Variants in ALDH2 observed in about 807,000 individuals in gnomAD.
ALDH2 encodes the protein aldehyde dehydrogenase 2 family member, also known as aldehyde dehydrogenase, mitochondrial.
Under a neutral mutation model 59.6 loss-of-function variants are expected in ALDH2, and 44 were observed. That is an observed-to-expected ratio of 0.74 (90% CI 0.58 to 0.95). ALDH2 has a LOEUF of 0.95. Among genes scored for constraint, ALDH2 ranks in the 40% least tolerant of loss-of-function variants. The probability of loss-of-function intolerance (pLI) is 0.00; values close to 1 mark genes in which losing one functional copy is unlikely to be tolerated. For missense variants in ALDH2, 570 were observed against 696.3 expected, an observed-to-expected ratio of 0.82 and a Z score of 2.04; for synonymous variants, 291 against 284.0, an observed-to-expected ratio of 1.02 and a Z score of -0.25.
Position 111,798,120 on chromosome 12 carries a change from A to G in ALDH2, c.1126A>G (p.Thr376Ala), listed in dbSNP as rs201023185. The change falls in exon 10 of 13, where the codon ACG becomes GCG. Residue 376 changes from threonine (T) to alanine (A), a missense_variant. By Grantham distance (58) the Thr-to-Ala change is moderately conservative. Coordinates refer to ENST00000261733, the MANE Select transcript of ALDH2 (RefSeq NM_000690.4). ...TAAGAAGATCCTCGGCTACATCAAC[A>G]CGGGGAAGCAAGAGGGGGCGAAGCT... ...QFKKILGYIN[T>A]GKQEGAKLLC... 3.8e-5 allele frequency: 62 copies of G among 1,614,136 alleles called. 2 individuals are homozygous for G. The Admixed American group carries it at 8.3e-4, about 22-fold the overall frequency.
At chr12:111,773,172 C>T (rs530010258) in intron 1 of ALDH2, among the ~76,000 whole-genome samples, 3 of 152,138 alleles carry the variant, frequency 2.0e-5, no homozygotes, top group South Asian at 2.1e-4. Flanking sequence ...AACGCTTGAA[C>T]CCAGGAGGCG....
rs2068540074 is a variant in ALDH2 at position 111,812,083 on chromosome 12, A to T, written c.*2508A>T. 6.6e-6 allele frequency: 1 copy of T among 152,602 alleles called. No homozygotes were observed. The highest frequency in any genetic ancestry group is 2.1e-4 in the South Asian group (1 of 4,874). The allele number at this position is 152,602 out of a possible 1,614,324, so 9.5% of individuals were successfully genotyped here. A position where few individuals can be genotyped will look rare whatever the true frequency, so the allele number is the denominator to read the frequency against. On this transcript the variant is annotated 3_prime_UTR_variant, in exon 13 of 13. Coordinates refer to ENST00000261733, the MANE Select transcript of ALDH2 (RefSeq NM_000690.4). The stretch of plus-strand genomic sequence containing the variant: ...TGCCTGGCAGCCAAGGCAGAGATAG[A>T]CAGGGAGAGAGAGAGACAGCTTACG...
intron 1 of ALDH2, among the ~76,000 whole-genome samples, chr12:111,773,664 C>G (rs1471682420): frequency 1.3e-5 from 2 of 152,146 alleles, no homozygotes; most frequent in Admixed American, 1.3e-4. Flanking sequence ...CACTTTCAAA[C>G]TTATAACTTA....
intron 1 of ALDH2, among the ~76,000 whole-genome samples, chr12:111,770,693 G>A (rs1279896387): frequency 6.6e-6 from 1 of 152,104 alleles, no homozygotes; most frequent in Non-Finnish European, 1.5e-5. Flanking sequence ...TGCCCAGGGT[G>A]GAGTGCAGTG....
intron 12 of ALDH2, among the ~76,000 whole-genome samples, chr12:111,806,712 C>G (rs1023411371): frequency 6.6e-6 from 1 of 152,216 alleles, no homozygotes; most frequent in African/African-American, 2.4e-5. Context: ...TGGCTCATGC[C>G]TGTAATCCCA....
intron 11 of ALDH2, among the ~76,000 whole-genome samples, chr12:111,801,426 C>T (rs886761749): frequency 7.9e-5 from 12 of 152,060 alleles, no homozygotes; most frequent in African/African-American, 2.4e-4. Context: ...TGTCTGGGTG[C>T]GGTGGCTCAT....
At chr12:111,773,743 T>C (rs77855595) in intron 1 of ALDH2, among the ~76,000 whole-genome samples, 1 of 152,172 alleles carries the variant, frequency 6.6e-6, no homozygotes, top group Non-Finnish European at 1.5e-5. Context: ...TAAGGGACAA[T>C]TGAATAGAAT....
chr12:111,804,018 A>G, intron 12 of ALDH2, 45 bp downstream of exon 12: 3 of 1,201,388 alleles, frequency 2.5e-6, no homozygotes, highest in South Asian at 1.3e-5. Context: ...TTGGGGCTTG[A>G]GGGTCTGCTG....
At chr12:111,807,414 G>A (rs370595682) in intron 12 of ALDH2, among the ~76,000 whole-genome samples, 2 of 152,150 alleles carry the variant, frequency 1.3e-5, no homozygotes, top group Admixed American at 6.6e-5. Context: ...TCCACTGCCC[G>A]AGCAGAGTCC....
chr12:111,767,019 G>A lies in ALDH2; in HGVS notation c.37G>A (p.Gly13Ser). 6.6e-7 allele frequency: 1 copy of A among 1,524,472 alleles called. No individual in the cohort carries two copies. Among genetic ancestry groups the A allele is most frequent in the East Asian group, 2.6e-5 (1 of 39,058 alleles). 94.4% of individuals were successfully genotyped at this position (1,524,472 alleles called of 1,614,324 possible). A position where few individuals can be genotyped will look rare whatever the true frequency, so the allele number is the denominator to read the frequency against. Residue 13 changes from glycine to serine, a missense_variant, in exon 1 of 13, where the codon GGC becomes AGC. By Grantham distance (56) the Gly-to-Ser change is moderately conservative. Transcript: ENST00000261733. ...RAAARFGPRL[G>S]RRLLSAAATQ... ...TGCCGCCCGCTTCGGGCCCCGCCTGGGCCGCCGCCTCTTGTCAGCCGCCGC... is the reference window on the plus strand; with the variant it reads ...TGCCGCCCGCTTCGGGCCCCGCCTGAGCCGCCGCCTCTTGTCAGCCGCCGC...
chr12:111,777,287 C>G (rs2068240564), intron 1 of ALDH2, among the ~76,000 whole-genome samples: 1 of 152,290 alleles, frequency 6.6e-6, no homozygotes, highest in East Asian at 1.9e-4. Flanking sequence ...GGGAACAATC[C>G]AAGTACACAG....
intron 1 of ALDH2, 37 bp downstream of exon 1, chr12:111,767,133 G>C (rs1373724139): frequency 7.0e-7 from 1 of 1,430,546 alleles, no homozygotes; most frequent in African/African-American, 1.5e-5. Context: ...TTGTTTTCCG[G>C]CCCGAGTCCC....
At position 111,810,964 on chromosome 12, in the gene ALDH2, T is replaced by C. The variant is rs2068531464; in HGVS notation, c.*1389T>C. 6.6e-6 allele frequency: 1 copy of C among 152,166 alleles called. No individual in the cohort carries two copies. Among genetic ancestry groups the C allele is most frequent in the Non-Finnish European group, 1.5e-5 (1 of 68,034 alleles). The allele number at this position is 152,166 out of a possible 1,614,324, so 9.4% of individuals were successfully genotyped here. Reference sequence around the variant, plus strand: ...TTTGGAAACCAGATGTCAATTTACTTACTTTAAGTGAGATCTGTATCTTCA... The same window carrying C: ...TTTGGAAACCAGATGTCAATTTACTCACTTTAAGTGAGATCTGTATCTTCA... On this transcript the variant is annotated 3_prime_UTR_variant, in exon 13 of 13. Transcript: ENST00000261733.
chr12:111,806,097 A>C (rs1196297567), intron 12 of ALDH2, among the ~76,000 whole-genome samples: 1 of 151,938 alleles, frequency 6.6e-6, no homozygotes, highest in African/African-American at 2.4e-5. Context: ...GCAGACCACG[A>C]GGTCAGGAGA....
intron 10 of ALDH2, among the ~76,000 whole-genome samples, chr12:111,798,936 G>A (rs2068426746): frequency 6.6e-6 from 1 of 151,890 alleles, no homozygotes; most frequent in Non-Finnish European, 1.5e-5. Context: ...TTGAACCTGG[G>A]AGGCAGAGGT....
At chr12:111,788,544 A>C (rs1457980135) in intron 4 of ALDH2, among the ~76,000 whole-genome samples, 2 of 152,258 alleles carry the variant, frequency 1.3e-5, no homozygotes, top group East Asian at 3.8e-4. Context: ...GAATTTTGGC[A>C]TTCTGCTTTT....
intron 11 of ALDH2, among the ~76,000 whole-genome samples, chr12:111,800,292 G>T (rs1056245071): frequency 6.6e-6 from 1 of 152,216 alleles, no homozygotes; most frequent in Non-Finnish European, 1.5e-5. Context: ...GAGTGGTGGG[G>T]CTCCTCCCCA....
At chr12:111,773,187 TTG>T (rs1475514370) in intron 1 of ALDH2, among the ~76,000 whole-genome samples, 4 of 151,508 alleles carry the variant, frequency 2.6e-5, no homozygotes, top group African/African-American at 9.7e-5. Context: ...GAGGCGGAGG[TTG>T]TGGTGGGGCC....
At chr12:111,802,879 CAAAAAAA>C (rs747777133) in intron 11 of ALDH2, among the ~76,000 whole-genome samples, 1 of 53,032 alleles carries the variant, frequency 1.9e-5, no homozygotes, top group East Asian at 9.3e-4. Flanking sequence ...GACTCTGTCT[CAAAAAAA>C]AAAAAAAAAA....
Sources: gnomAD v4.1 joint callset for allele counts (sites outside exome capture counted in the v4.1 genomes callset) on GRCh38, gnomAD v4.1.1 for gene constraint, MANE v1.5 for transcripts, NCBI Gene and HGNC (gene_info 2026-07-23, HGNC 2026-07-21) for gene names.